Variants in GEMIN7 observed in about 807,000 individuals in gnomAD.
GEMIN7 encodes the protein gem-associated protein 7.
GEMIN7 carries 7 observed loss-of-function variants against 7.8 expected under a neutral mutation model. The observed-to-expected ratio is 0.90, with a 90% CI of 0.51 to 1.69. The LOEUF (loss-of-function observed/expected upper bound fraction) is 1.69. GEMIN7 is among the 40% of genes most tolerant of loss of function. The pLI, the probability that GEMIN7 is intolerant of heterozygous loss-of-function variation, is 0.00. For synonymous variants in GEMIN7, 68 were observed against 72.4 expected, an observed-to-expected ratio of 0.94 and a Z score of 0.31; for missense variants, 159 against 176.2, an observed-to-expected ratio of 0.90 and a Z score of 0.55.
chr19:45,078,194 C>T (rs1452407127), upstream of GEMIN7, among the ~76,000 whole-genome samples: 9 of 151,626 alleles, frequency 5.9e-5, no homozygotes, highest in East Asian at 5.8e-4. Flanking sequence ...CTCCGCCTCC[C>T]GGGTTCAAGT....
At chr19:45,077,266 G>A (rs1268704084), upstream of GEMIN7, among the ~76,000 whole-genome samples, 2 of 152,108 alleles carry the variant, frequency 1.3e-5, no homozygotes, top group African/African-American at 2.4e-5. Flanking sequence ...GCCTTAGGAG[G>A]GTTTTGAGCA....
intron 2 of GEMIN7, chr19:45,088,532 G>A (rs1358718512): frequency 6.6e-6 from 1 of 151,902 alleles, no homozygotes; most frequent in Non-Finnish European, 1.5e-5. Context: ...TTACCATGTT[G>A]CCCAGGCTGC....
chr19:45,079,468 G>C (rs902823034), intron 1 of GEMIN7, 91 bp downstream of exon 1: 2 of 152,272 alleles, frequency 1.3e-5, no homozygotes, highest in African/African-American at 4.8e-5. Flanking sequence ...GCCGGCAGCG[G>C]GAATGCCCCA....
At chr19:45,083,634 A>C (rs1600136898) in intron 2 of GEMIN7, among the ~76,000 whole-genome samples, 3 of 113,546 alleles carry the variant, frequency 2.6e-5, no homozygotes, top group African/African-American at 3.5e-5. Flanking sequence ...ACAGGGTCTC[A>C]CTCTTCCCAG....
At chr19:45,087,114 GGATTACAGGCGTGA>G (rs1967719084) in intron 2 of GEMIN7, among the ~76,000 whole-genome samples, 1 of 151,532 alleles carries the variant, frequency 6.6e-6, no homozygotes, top group Non-Finnish European at 1.5e-5. Context: ...CAAAGTGCTG[GGATTACAGGCGTGA>G]GCCACCGCGC....
intron 2 of GEMIN7, among the ~76,000 whole-genome samples, chr19:45,080,679 C>G (rs777057983): frequency 7.9e-5 from 12 of 151,402 alleles, no homozygotes; most frequent in Admixed American, 5.3e-4. Flanking sequence ...GCACCCAGCC[C>G]GAGGAAAGAT....
At chr19:45,089,635 C>T (rs1967824026) in intron 2 of GEMIN7, among the ~76,000 whole-genome samples, 1 of 152,082 alleles carries the variant, frequency 6.6e-6, no homozygotes, top group South Asian at 2.1e-4. Flanking sequence ...CTCCTGGGCT[C>T]AACTAATCCT....
At chr19:45,076,322 CG>C, upstream of GEMIN7, 1 of 1,407,418 alleles carries the variant, frequency 7.1e-7, no homozygotes, top group Admixed American at 2.9e-5. This position sits in a 1 kb window ranked among gnomAD's most constrained non-coding sequence, Gnocchi z 4.9. Context: ...GGGTTGGCGG[CG>C]GGCGCGGGCT....
chr19:45,076,213 T>C (rs774551732), upstream of GEMIN7: 14 of 1,506,172 alleles, frequency 9.3e-6, no homozygotes, highest in South Asian at 1.3e-5. The surrounding 1 kb of genome is among the most constrained non-coding windows in gnomAD (Gnocchi z 4.9). Flanking sequence ...GGACACCTCC[T>C]TCGGGGAGAA....
rs1273331334 is a variant in GEMIN7, at chr19:45,090,210, C to T, written c.96C>T (p.Ala32=). The stretch of plus-strand genomic sequence containing the variant: ...GCTTTGCCCCTGATGGACGCAGAGC[C>T]CCCTTGAGGCCAGAGGTTCCTGAAA... The part of the protein sequence containing the change: ...SRGFAPDGRR[A]PLRPEVPEIQ... The change falls in exon 3 of 3, where the codon GCC becomes GCT. Residue 32 remains alanine (A), a synonymous_variant. Coordinates refer to ENST00000270257, the MANE Select transcript of GEMIN7 (RefSeq NM_024707.3). The T allele has an allele frequency of 2.5e-6, 4 of 1,614,202 alleles. No homozygotes were observed. Among genetic ancestry groups the T allele is most frequent in the Non-Finnish European group, 3.4e-6 (4 of 1,180,048 alleles).
chr19:45,089,509 G>A (rs1967819625), intron 2 of GEMIN7, among the ~76,000 whole-genome samples: 1 of 152,054 alleles, frequency 6.6e-6, no homozygotes, highest in African/African-American at 2.4e-5. Flanking sequence ...CTGATGGATT[G>A]GGTGGGTTGT....
intron 2 of GEMIN7, among the ~76,000 whole-genome samples, chr19:45,086,425 T>C (rs746080862): frequency 1.3e-5 from 2 of 152,168 alleles, no homozygotes; most frequent in Non-Finnish European, 2.9e-5. Flanking sequence ...TGCTAAAACC[T>C]AGGTCCTCCT....
At chr19:45,090,085 G>C (rs775211022) in intron 2 of GEMIN7, 22 bp from the exon 3 acceptor site, 16 of 1,586,686 alleles carry the variant, frequency 1.0e-5, no homozygotes, top group South Asian at 3.4e-5. Flanking sequence ...ATGACTTCCT[G>C]CTCTTTTTCT....
intron 2 of GEMIN7, among the ~76,000 whole-genome samples, chr19:45,084,704 A>C (rs1338166957): frequency 1.3e-5 from 2 of 152,208 alleles, no homozygotes; most frequent in Non-Finnish European, 2.9e-5. Flanking sequence ...CAGCCTCCTG[A>C]GTAGGCGGGA....
chr19:45,086,061 G>A (rs931344081), intron 2 of GEMIN7, among the ~76,000 whole-genome samples: 1 of 151,566 alleles, frequency 6.6e-6, no homozygotes, highest in Non-Finnish European at 1.5e-5. Flanking sequence ...TAGAGATGGG[G>A]TTTCACCTTG....
chr19:45,080,374 ATTTTTTTTT>A (rs765472967), intron 2 of GEMIN7, among the ~76,000 whole-genome samples: 1 of 134,886 alleles, frequency 7.4e-6, no homozygotes, highest in South Asian at 2.4e-4. Context: ...CAAGGAAATG[ATTTTTTTTT>A]TTTTTTTTTT....
chr19:45,090,098 A>G lies in GEMIN7; in HGVS notation c.-8-9A>G, dbSNP rs1600146662. On this transcript the variant is annotated splice_polypyrimidine_tract_variant and intron_variant, in intron 2 of 2. Transcript: ENST00000270257. The stretch of plus-strand genomic sequence containing the variant: ...TAATGACTTCCTGCTCTTTTTCTTC[A>G]CTCAACAGCCAAGACAATGCAAACT... The G allele has an allele frequency of 6.3e-7, 1 of 1,589,988 alleles. No homozygotes were observed. The highest frequency in any genetic ancestry group is 2.3e-5 in the East Asian group (1 of 44,350).
upstream of GEMIN7, chr19:45,076,199 C>T: frequency 6.6e-7 from 1 of 1,506,996 alleles, no homozygotes; most frequent in Non-Finnish European, 8.8e-7. This position sits in a 1 kb window ranked among gnomAD's most constrained non-coding sequence, Gnocchi z 4.9. Context: ...AACCGCCCCG[C>T]CGAGGACACC....
At chr19:45,085,907 G>A (rs113506339) in intron 2 of GEMIN7, among the ~76,000 whole-genome samples, 13 of 119,626 alleles carry the variant, frequency 1.1e-4, no homozygotes, top group Admixed American at 3.5e-4. Context: ...TCGCTCTGTC[G>A]CCCAGGCTGG....
Sources: gnomAD v4.1 joint callset for allele counts (sites outside exome capture counted in the v4.1 genomes callset) on GRCh38, gnomAD v4.1.1 for gene constraint, Gnocchi (gnomAD v3.1) non-coding constraint, MANE v1.5 for transcripts, NCBI Gene and HGNC (gene_info 2026-07-23, HGNC 2026-07-21) for gene names.